Variants in PIK3IP1 observed in about 807,000 individuals in gnomAD.
PIK3IP1 encodes the protein phosphoinositide-3-kinase interacting protein 1, also known as phosphoinositide-3-kinase-interacting protein 1.
In PIK3IP1, 28 loss-of-function variants were observed where a neutral mutation model predicts 30.7. The ratio of observed to expected loss-of-function variants is 0.91; its 90% CI spans 0.68 to 1.25. The LOEUF (loss-of-function observed/expected upper bound fraction) is 1.25. PIK3IP1 is among the 50% of genes most tolerant of loss of function. The pLI is 0.00. For missense variants in PIK3IP1, 333 were observed against 346.2 expected, an observed-to-expected ratio of 0.96 and a Z score of 0.30; for synonymous variants, 159 against 140.8, an observed-to-expected ratio of 1.13 and a Z score of -0.91.
At chr22:31,290,844 C>T in intron 3 of PIK3IP1, 121 bp downstream of exon 3, 2 of 1,375,438 alleles carry the variant, frequency 1.5e-6, no homozygotes, top group South Asian at 1.6e-5. Flanking sequence ...CCTGGCCAAT[C>T]GGACGGCGCG....
At position 31,292,471 on chromosome 22, in the gene PIK3IP1, C is replaced by CA; in HGVS notation, c.-128dup. On this transcript the variant is annotated 5_prime_UTR_variant, in exon 1 of 6. Transcript: ENST00000215912. ...GCCCTTGTTATGCTGTTCTGGTAAA[C>CA]AGCCTCTCTTTAGAACTGGGAGCTT... The CA allele has an allele frequency of 2.7e-6, 2 of 739,798 alleles. No individual in the cohort carries two copies. Among genetic ancestry groups the CA allele is most frequent in the Non-Finnish European group, 4.7e-6 (2 of 425,712 alleles). The allele number at this position is 739,798 out of a possible 1,614,324, so 45.8% of individuals were successfully genotyped here. A position where few individuals can be genotyped will look rare whatever the true frequency, so the allele number is the denominator to read the frequency against.
Position 31,291,309 on chromosome 22 carries a change from G to A in PIK3IP1, c.71-13C>T. ...TCCCAGAAACAGCCTGTGAGGAAAA[G>A]AAGCCCCCGGACACAGAATAGCGGG... is the stretch of plus-strand genomic sequence containing the variant. On this transcript the variant is annotated splice_polypyrimidine_tract_variant and intron_variant, in intron 1 of 5. Coordinates refer to ENST00000215912, the MANE Select transcript of PIK3IP1 (RefSeq NM_052880.5). The A allele has an allele frequency of 1.3e-6, 2 of 1,554,808 alleles. No individual in the cohort carries two copies. Among genetic ancestry groups the A allele is most frequent in the Non-Finnish European group, 1.7e-6 (2 of 1,149,408 alleles).
intron 5 of PIK3IP1, 32 bp from the exon 6 acceptor site, chr22:31,283,320 C>G: frequency 6.2e-7 from 1 of 1,610,248 alleles, no homozygotes; most frequent in Non-Finnish European, 8.5e-7. Context: ...AACATTCAGG[C>G]TATGCCTCCT....
chr22:31,283,377 A>C, intron 5 of PIK3IP1, 89 bp from the exon 6 acceptor site: 7 of 1,382,152 alleles, frequency 5.1e-6, no homozygotes, highest in Non-Finnish European at 7.0e-6. Context: ...CAGCAAGAGC[A>C]GCAGCTTGCC....
Position 31,283,168 on chromosome 22 carries a change from G to C in PIK3IP1, c.708C>G (p.Val236=), listed in dbSNP as rs1342924277. Residue 236 remains valine (V), a synonymous_variant, in exon 6 of 6, where the codon GTC becomes GTG. Coordinates refer to ENST00000215912, the MANE Select transcript of PIK3IP1 (RefSeq NM_052880.5). ...PTCEIVDEKT[V]VVHTSQTPVD... is the part of the protein sequence containing the mutation. ...CTGGAGTCTGGCTGGTGTGGACCAC[G>C]ACAGTCTTCTCATCCACAATCTCAC... is the stretch of plus-strand genomic sequence containing the variant. 1 of 1,614,182 alleles carries C rather than the reference G, an allele frequency of 6.2e-7. No individual in the cohort carries two copies. Among genetic ancestry groups the C allele is most frequent in the Non-Finnish European group, 8.5e-7 (1 of 1,180,008 alleles).
chr22:31,290,885 G>T, intron 3 of PIK3IP1, 80 bp downstream of exon 3: 8 of 1,452,290 alleles, frequency 5.5e-6, no homozygotes, highest in Non-Finnish European at 7.2e-6. Flanking sequence ...GGCATCGCGC[G>T]GCCGCACGTG....
At position 31,282,733 on chromosome 22, in the gene PIK3IP1, T is replaced by TA. The variant is rs2049099014; in HGVS notation, c.*350dup. The stretch of plus-strand genomic sequence containing the variant: ...ACAGTGGAGACTGAGGCCATCTTAG[T>TA]AAAGCACAGAGGAGCCTGGGGGAGC... On this transcript the variant is annotated 3_prime_UTR_variant, in exon 6 of 6. Coordinates refer to ENST00000215912, the MANE Select transcript of PIK3IP1 (RefSeq NM_052880.5). 3.8e-6 allele frequency: 1 copy of TA among 260,096 alleles called. No individual in the cohort carries two copies. Among genetic ancestry groups the TA allele is most frequent in the Non-Finnish European group, 7.5e-6 (1 of 132,972 alleles). 16.1% of individuals were successfully genotyped at this position (260,096 alleles called of 1,614,324 possible).
At position 31,281,952 on chromosome 22, in the gene PIK3IP1, T is replaced by G. The variant is rs2049092817; in HGVS notation, c.*1132A>C. The G allele has an allele frequency of 6.6e-6, 1 of 152,426 alleles. No homozygotes were observed. Among genetic ancestry groups the G allele is most frequent in the Non-Finnish European group, 1.5e-5 (1 of 68,112 alleles). 9.4% of individuals were successfully genotyped at this position (152,426 alleles called of 1,614,324 possible). On this transcript the variant is annotated 3_prime_UTR_variant, in exon 6 of 6. Coordinates refer to ENST00000215912, the MANE Select transcript of PIK3IP1 (RefSeq NM_052880.5). Reference sequence around the variant, plus strand: ...TGCAGTGGAGAAATGTTGCGCTCCGTCAGGAAGCTGGGCTCTTGCCATGCC... The same window carrying G: ...TGCAGTGGAGAAATGTTGCGCTCCGGCAGGAAGCTGGGCTCTTGCCATGCC...
intron 5 of PIK3IP1, among the ~76,000 whole-genome samples, chr22:31,285,983 G>T (rs1168507645): frequency 6.6e-6 from 1 of 152,084 alleles, no homozygotes. Context: ...GACCAGCCTG[G>T]CCAACATGGT....
chr22:31,287,187 T>A (rs1413413560), intron 5 of PIK3IP1, among the ~76,000 whole-genome samples: 1 of 151,302 alleles, frequency 6.6e-6, no homozygotes, highest in East Asian at 1.9e-4. Flanking sequence ...CTGGCTAATT[T>A]TTGTATTTTT....
At chr22:31,291,439 C>T (rs1011450268) in intron 1 of PIK3IP1, 143 bp from the exon 2 acceptor site, 2 of 739,268 alleles carry the variant, frequency 2.7e-6, no homozygotes, top group African/African-American at 1.8e-5. Context: ...CCTCCCTCTC[C>T]TCTCGTGGCA....
At chr22:31,289,998 G>A (rs887540482) in intron 3 of PIK3IP1, 1 of 334,624 alleles carries the variant, frequency 3.0e-6, no homozygotes, top group Non-Finnish European at 5.6e-6. Flanking sequence ...GCGTTCTTCT[G>A]CAGGGGATTC....
At position 31,291,091 on chromosome 22, in the gene PIK3IP1, G is replaced by A. The variant is rs994025698; in HGVS notation, c.188-7C>T. On this transcript the variant is annotated splice_polypyrimidine_tract_variant and splice_region_variant and intron_variant, in intron 2 of 5. Coordinates refer to ENST00000215912, the MANE Select transcript of PIK3IP1 (RefSeq NM_052880.5). ...TAACTGTGATTGCCGGCCCCTAAGA[G>A]AGGAGAGAAGGAAATGTGTGCCGGG... The A allele has an allele frequency of 6.5e-7, 1 of 1,549,448 alleles. No individual in the cohort carries two copies. The highest frequency in any genetic ancestry group is 8.7e-7 in the Non-Finnish European group (1 of 1,146,492).
Position 31,282,970 on chromosome 22 carries a change from A to G in PIK3IP1, c.*114T>C. 7.5e-6 allele frequency: 6 copies of G among 796,494 alleles called. No homozygotes were observed. Among genetic ancestry groups the G allele is most frequent in the Non-Finnish European group, 1.2e-5 (6 of 510,898 alleles). 49.3% of individuals were successfully genotyped at this position (796,494 alleles called of 1,614,324 possible). On this transcript the variant is annotated 3_prime_UTR_variant, in exon 6 of 6. Transcript: ENST00000215912. ...CACTCTTACTAGGATTCGCCAAAAA[A>G]GCGGGGGAGTGGTAGGGTTTTAACC... is the stretch of plus-strand genomic sequence containing the variant.
In PIK3IP1 at chr22:31,282,973, G is replaced by A. The variant is rs746929609; in HGVS notation, c.*111C>T. The A allele has an allele frequency of 1.9e-4, 157 of 811,096 alleles. No homozygotes were observed. The highest frequency in any genetic ancestry group is 2.8e-4 in the Non-Finnish European group (145 of 523,702). 50.2% of individuals were successfully genotyped at this position (811,096 alleles called of 1,614,324 possible). On this transcript the variant is annotated 3_prime_UTR_variant, in exon 6 of 6. Transcript: ENST00000215912. Reference sequence around the variant, plus strand: ...TCTTACTAGGATTCGCCAAAAAAGCGGGGGAGTGGTAGGGTTTTAACCAGA... The same window carrying A: ...TCTTACTAGGATTCGCCAAAAAAGCAGGGGAGTGGTAGGGTTTTAACCAGA...
chr22:31,288,374 GAA>G (rs11284894), intron 5 of PIK3IP1, among the ~76,000 whole-genome samples: 2 of 136,128 alleles, frequency 1.5e-5, no homozygotes, highest in Non-Finnish European at 3.1e-5. Flanking sequence ...GCGAGACCCT[GAA>G]AAAAAAAAAT....
rs1374056796 is a variant in PIK3IP1 at position 31,292,262 on chromosome 22, A to G, written c.70+13T>C. 6.2e-7 allele frequency: 1 copy of G among 1,613,516 alleles called. No homozygotes were observed. Among genetic ancestry groups the G allele is most frequent in the South Asian group, 1.1e-5 (1 of 91,054 alleles). On this transcript the variant is annotated intron_variant, in intron 1 of 5. Coordinates refer to ENST00000215912, the MANE Select transcript of PIK3IP1 (RefSeq NM_052880.5). ...CATGAAGTTGCTGCGGAAAGGAAAG[A>G]TTGTAATCTCACCTCCAGATCCATA...
At chr22:31,288,115 G>A (rs776700529) in intron 5 of PIK3IP1, among the ~76,000 whole-genome samples, 4 of 152,112 alleles carry the variant, frequency 2.6e-5, no homozygotes, top group Admixed American at 6.5e-5. Flanking sequence ...CAGGCATGGT[G>A]GTTCATGCCT....
chr22:31,291,478 C>G (rs1459071621), intron 1 of PIK3IP1, among the ~76,000 whole-genome samples, 182 bp from the exon 2 acceptor site: 1 of 150,662 alleles, frequency 6.6e-6, no homozygotes, highest in Non-Finnish European at 1.5e-5. Context: ...CACCCCCCCC[C>G]CCCAACTCCA....
Sources: allele counts gnomAD v4.1 joint callset (sites outside exome capture counted in the v4.1 genomes callset), GRCh38; gene constraint gnomAD v4.1.1; transcripts MANE v1.5; gene names NCBI Gene and HGNC (gene_info 2026-07-23, HGNC 2026-07-21).